The following ZNF300 variants were observed in gnomAD, a reference collection of about 807,000 sequenced individuals.
ZNF300 encodes zinc finger protein 300.
ZNF300 carries 6 observed loss-of-function variants against 13.9 expected under a neutral mutation model. The observed-to-expected ratio is 0.43, with a 90% CI of 0.24 to 0.85. ZNF300 has a LOEUF of 0.85. Among genes scored for constraint, ZNF300 ranks in the 40% least tolerant of loss-of-function variants. ZNF300 has a pLI of 0.25. For missense variants in ZNF300, 662 were observed against 714.2 expected (o/e 0.93, Z 0.83); for synonymous variants, 237 against 242.2 (o/e 0.98, Z 0.20).
intron 3 of ZNF300, among the ~76,000 whole-genome samples, chr5:150,902,395 G>A (rs887667562): frequency 3.9e-5 from 6 of 152,096 alleles, no homozygotes; most frequent in Non-Finnish European, 7.4e-5. Flanking sequence ...CCTATCTTAC[G>A]TTAATGAATT....
chr5:150,896,560 G>T lies in ZNF300; in HGVS notation c.679C>A (p.Pro227Thr). The T allele has an allele frequency of 6.2e-7, 1 of 1,613,640 alleles. No homozygotes were observed. The stretch of plus-strand genomic sequence containing the variant: ...TGAATCTTCTCAAGATTAGAATTGG[G>T]CTCACTCTGGCTAGATGATTTTCCA... ...GGGKSSSQSE[P>T]NSNLEKIHNG... The change falls in exon 6 of 6, where the codon CCC (proline) becomes ACC (threonine). Residue 227 changes from proline to threonine, a missense_variant. Physicochemically the swap from Pro to Thr is conservative, Grantham distance 38. Transcript: ENST00000274599.
At position 150,895,535 on chromosome 5, in the gene ZNF300, C is replaced by T. The variant is rs909613043; in HGVS notation, c.1704G>A (p.Gln568=). 1 of 1,613,596 alleles carries T rather than the reference C, an allele frequency of 6.2e-7. No homozygotes were observed. The highest frequency in any genetic ancestry group is 8.5e-7 in the Non-Finnish European group (1 of 1,179,740). ...AGGGTCTTTCCCCAGTATGAATCCT[C>T]TGATGTAAAACAAGGTCTGACTTCT... The part of the protein sequence containing the change: ...FSQKSDLVLH[Q]RIHTGERPYQ... The change falls in exon 6 of 6, where the codon CAG becomes CAA. Residue 568 remains glutamine (Q), a synonymous_variant. Transcript: ENST00000274599.
chr5:150,903,775 A>T (rs1755060717), intron 2 of ZNF300, 89 bp downstream of exon 2: 1 of 193,952 alleles, frequency 5.2e-6, no homozygotes, highest in African/African-American at 2.3e-5. Context: ...GCTCTTTTTC[A>T]ACAGCTCTAT....
intron 2 of ZNF300, 110 bp from the exon 3 acceptor site, chr5:150,903,292 T>G (rs1293851309): frequency 6.3e-7 from 1 of 1,592,854 alleles, no homozygotes; most frequent in South Asian, 1.1e-5. Context: ...AAGTAACTAA[T>G]GGGCTACCCT....
At chr5:150,903,300 C>T (rs1324654489) in intron 2 of ZNF300, 118 bp from the exon 3 acceptor site, 4 of 1,586,504 alleles carry the variant, frequency 2.5e-6, no homozygotes, top group Non-Finnish European at 3.4e-6. Context: ...AATGGGCTAC[C>T]CTGTGGGATA....
Position 150,894,941 on chromosome 5 carries a change from T to G in ZNF300, c.*483A>C, listed in dbSNP as rs1233346014. ...AACTTTACTGAATCTGATCAACCTATCATTCCATTTTTTGTACAAGAACTT... is the reference window on the plus strand; with the variant it reads ...AACTTTACTGAATCTGATCAACCTAGCATTCCATTTTTTGTACAAGAACTT... On this transcript the variant is annotated 3_prime_UTR_variant, in exon 6 of 6. Transcript: ENST00000274599. 6.5e-6 allele frequency: 1 copy of G among 152,720 alleles called. No homozygotes were observed. The highest frequency in any genetic ancestry group is 1.9e-4 in the East Asian group (1 of 5,334). 9.5% of individuals were successfully genotyped at this position (152,720 alleles called of 1,614,324 possible).
Position 150,897,941 on chromosome 5 carries a change from C to G in ZNF300, c.265+121G>C, listed in dbSNP as rs1044151899. 2.5e-6 allele frequency: 3 copies of G among 1,217,206 alleles called. No individual in the cohort carries two copies. In the African/African-American group the frequency reaches 4.6e-5, roughly 19 times the overall value. 75.4% of individuals were successfully genotyped at this position (1,217,206 alleles called of 1,614,324 possible). The stretch of plus-strand genomic sequence containing the variant: ...ACTCCTCTGAAAGGCTTCACAATTA[C>G]TTGTTGAGTGACTACTAAATTCTCA... On this transcript the variant is annotated intron_variant, in intron 5 of 5. Transcript: ENST00000274599.
rs1246065506 is a variant in ZNF300, at chr5:150,896,850, C to T, written c.389G>A (p.Gly130Asp). The part of the protein sequence containing the change: ...SLCSILKVCQ[G>D]DGQLQRFLEN... The stretch of plus-strand genomic sequence containing the variant: ...TAGAAATCTCTGCAGCTGACCATCA[C>T]CTTGACAGACTTTTAAAATGGAGCA... The change falls in exon 6 of 6, where the codon GGT becomes GAT. Residue 130 changes from glycine to aspartate, a missense_variant. Coordinates refer to ENST00000274599, the MANE Select transcript of ZNF300 (RefSeq NM_052860.4). 5 of 1,613,702 alleles carry T rather than the reference C, an allele frequency of 3.1e-6. No homozygotes were observed. Among genetic ancestry groups the T allele is most frequent in the Middle Eastern group, 1.7e-4 (1 of 6,060 alleles).
intron 3 of ZNF300, among the ~76,000 whole-genome samples, chr5:150,900,431 ACT>A (rs1754953933): frequency 6.6e-6 from 1 of 151,976 alleles, no homozygotes; most frequent in Non-Finnish European, 1.5e-5. Flanking sequence ...CCTATTACCT[ACT>A]TCCTTAGAAA....
Position 150,895,992 on chromosome 5 carries a change from T to C in ZNF300, c.1247A>G (p.Lys416Arg). 1.9e-6 allele frequency: 3 copies of C among 1,613,562 alleles called. No individual in the cohort carries two copies. The highest frequency in any genetic ancestry group is 2.5e-6 in the Non-Finnish European group (3 of 1,179,786). The change falls in exon 6 of 6, where the codon AAA becomes AGA. Residue 416 changes from lysine (K) to arginine (R), a missense_variant. Transcript: ENST00000274599. Reference protein sequence around the residue: ...EKPYECTECGKAFCEKSHLII... With the variant: ...EKPYECTECGRAFCEKSHLII... ...GAGGTGGGACTTCTCACAGAAGGCT[T>C]TCCCACATTCGGTACACTCATACGG...
chr5:150,900,624 G>C (rs1754962135), intron 3 of ZNF300: 1 of 151,950 alleles, frequency 6.6e-6, no homozygotes, highest in Non-Finnish European at 1.5e-5. Context: ...AATCTGCTCA[G>C]GATATTCAAC....
Position 150,899,387 on chromosome 5 carries a change from A to G in ZNF300, c.16-833T>C, listed in dbSNP as rs186853344. ...GGAGAATTTTAATTAATGATTATAG[A>G]GCAGAAATGCCCTTTGTAAGTACAT... On this transcript the variant is annotated intron_variant, in intron 3 of 5. Transcript: ENST00000274599. Among the ~76,000 whole-genome samples the G allele has an allele frequency of 3.3e-5, 5 of 152,200 alleles. No homozygotes were observed. In the East Asian group the frequency reaches 9.7e-4, roughly 29 times the overall value.
chr5:150,895,295 A>C lies in ZNF300; in HGVS notation c.*129T>G, dbSNP rs1046404532. 5 of 659,116 alleles carry C rather than the reference A, an allele frequency of 7.6e-6. No individual in the cohort carries two copies. The highest frequency in any genetic ancestry group is 9.6e-6 in the Non-Finnish European group (4 of 417,534). 40.8% of individuals were successfully genotyped at this position (659,116 alleles called of 1,614,324 possible). ...TTTGCTGGAAAAGTTAGGCATCACC[A>C]AACTAGAAACAAATTCCCTTAAAAA... On this transcript the variant is annotated 3_prime_UTR_variant, in exon 6 of 6. Coordinates refer to ENST00000274599, the MANE Select transcript of ZNF300 (RefSeq NM_052860.4).
At position 150,896,204 on chromosome 5, in the gene ZNF300, T is replaced by G; in HGVS notation, c.1035A>C (p.Arg345Ser). 1.9e-6 allele frequency: 3 copies of G among 1,613,648 alleles called. No individual in the cohort carries two copies. Among genetic ancestry groups the G allele is most frequent in the South Asian group, 2.2e-5 (2 of 91,058 alleles). ...CATAGGGTTTTTCCCCAGTGTGAACTCTCTGATGTATAATAAGGGACGATT... is the reference window on the plus strand; with the variant it reads ...CATAGGGTTTTTCCCCAGTGTGAACGCTCTGATGTATAATAAGGGACGATT... The part of the protein sequence containing the change: ...SQKSSLIIHQ[R>S]VHTGEKPYEC... Residue 345 changes from arginine to serine, a missense_variant, in exon 6 of 6, where the codon AGA (arginine) becomes AGC (serine). Arg to Ser is a moderately radical substitution (Grantham distance 110). Coordinates refer to ENST00000274599, the MANE Select transcript of ZNF300 (RefSeq NM_052860.4).
At chr5:150,897,053 C>T in intron 5 of ZNF300, 80 bp from the exon 6 acceptor site, 1 of 1,118,414 alleles carries the variant, frequency 8.9e-7, no homozygotes, top group Non-Finnish European at 1.3e-6. Flanking sequence ...AATGGATGAT[C>T]CAACATAGTA....
At position 150,895,891 on chromosome 5, in the gene ZNF300, T is replaced by A; in HGVS notation, c.1348A>T (p.Thr450Ser). Reference protein sequence around the residue: ...AQCEEAFSRKTELITHQLVHT... With the variant: ...AQCEEAFSRKSELITHQLVHT... Reference sequence around the variant, plus strand: ...ACTAACTGATGTGTAATGAGTTCTGTCTTCCTGCTGAAGGCTTCCTCACAT... The same window carrying A: ...ACTAACTGATGTGTAATGAGTTCTGACTTCCTGCTGAAGGCTTCCTCACAT... The change falls in exon 6 of 6, where the codon ACA (threonine) becomes TCA (serine). Residue 450 changes from threonine (T) to serine (S), a missense_variant. By Grantham distance (58) the Thr-to-Ser change is moderately conservative. Transcript: ENST00000274599. The A allele has an allele frequency of 6.2e-7, 1 of 1,613,538 alleles. No individual in the cohort carries two copies. Among genetic ancestry groups the A allele is most frequent in the Non-Finnish European group, 8.5e-7 (1 of 1,179,834 alleles).
Position 150,898,087 on chromosome 5 carries a change from A to T in ZNF300, c.240T>A (p.Asp80Glu), listed in dbSNP as rs377639896. The T allele has an allele frequency of 6.2e-7, 1 of 1,613,170 alleles. No individual in the cohort carries two copies. The highest frequency in any genetic ancestry group is 1.3e-5 in the African/African-American group (1 of 74,862). Residue 80 changes from aspartate to glutamate, a missense_variant, in exon 5 of 6, where the codon GAT (aspartate) becomes GAA (glutamate). By Grantham distance (45) the Asp-to-Glu change is conservative (BLOSUM62 2). Transcript: ENST00000274599. ...CTTGTCTCCCATCTGCCTGATATTC[A>T]TCTGGATAGATCCAATTTGATATGT... ...KGDISNWIYPDEYQADGRQDR... is the reference protein window; with the variant it reads ...KGDISNWIYPEEYQADGRQDR...
chr5:150,895,264 A>C lies in ZNF300; in HGVS notation c.*160T>G, dbSNP rs1375503648. On this transcript the variant is annotated 3_prime_UTR_variant, in exon 6 of 6. Transcript: ENST00000274599. ...TTCTTCATTTATATAACTATTTTCC[A>C]TCATCTTTGCTGGAAAAGTTAGGCA... 1.9e-6 allele frequency: 1 copy of C among 531,912 alleles called. No individual in the cohort carries two copies. Among genetic ancestry groups the C allele is most frequent in the African/African-American group, 1.9e-5 (1 of 52,248 alleles). The allele number at this position is 531,912 out of a possible 1,614,324, so 32.9% of individuals were successfully genotyped here.
At chr5:150,898,327 T>C (rs1754871198) in intron 4 of ZNF300, 101 bp downstream of exon 4, 1 of 1,602,120 alleles carries the variant, frequency 6.2e-7, no homozygotes, top group African/African-American at 1.3e-5. Context: ...ATGAAGGTCA[T>C]AAAAGTCATG....
Sources: gnomAD v4.1 joint callset for allele counts (sites outside exome capture counted in the v4.1 genomes callset) on GRCh38, gnomAD v4.1.1 for gene constraint, MANE v1.5 for transcripts, NCBI Gene and HGNC (gene_info 2026-07-23, HGNC 2026-07-21) for gene names.